The following KANK1 variants were observed in gnomAD, a reference collection of about 807,000 sequenced individuals.
KANK1 encodes the protein KN motif and ankyrin repeat domain-containing protein 1.
A neutral mutation model predicts 106.2 loss-of-function variants in KANK1; 109 were observed. That is an observed-to-expected ratio of 1.03 (90% CI 0.88 to 1.20). KANK1 has a LOEUF of 1.20. KANK1 is among the 50% of genes most tolerant of loss of function. The pLI, the probability that KANK1 is intolerant of heterozygous loss-of-function variation, is 0.00. For synonymous variants in KANK1, 873 were observed against 652.2 expected, an observed-to-expected ratio of 1.34 and a Z score of -5.16; for missense variants, 2,399 against 1,710.7, an observed-to-expected ratio of 1.40 and a Z score of -7.10.
At chr9:698,734 A>T (rs1821920413) in intron 2 of KANK1, among the ~76,000 whole-genome samples, 1 of 152,220 alleles carries the variant, frequency 6.6e-6, no homozygotes, top group Non-Finnish European at 1.5e-5. Context: ...TTGGGTAGGT[A>T]AAATTCATAT....
chr9:684,785 G>T (rs1255235942), intron 2 of KANK1, among the ~76,000 whole-genome samples: 1 of 152,100 alleles, frequency 6.6e-6, no homozygotes, highest in Non-Finnish European at 1.5e-5. Flanking sequence ...CGTGACTAAA[G>T]CTCACAGTCA....
chr9:504,967 G>T (rs181321384), intron 1 of KANK1, among the ~76,000 whole-genome samples: 2 of 151,042 alleles, frequency 1.3e-5, no homozygotes, highest in Non-Finnish European at 3.0e-5. Flanking sequence ...TCCTGGGGGG[G>T]GGTCCGAGAG....
intron 3 of KANK1, among the ~76,000 whole-genome samples, chr9:488,776 T>G (rs941909234): frequency 6.6e-6 from 1 of 152,200 alleles, no homozygotes; most frequent in African/African-American, 2.4e-5. Context: ...CAAGCAGTGT[T>G]GTTTATTATT....
intron 1 of KANK1, among the ~76,000 whole-genome samples, chr9:579,947 C>T (rs1181713918): frequency 1.3e-5 from 2 of 152,182 alleles, no homozygotes; most frequent in South Asian, 2.1e-4. Context: ...CTGTCAGCAT[C>T]TGCTGTCTCC....
chr9:717,023 C>A (rs1827899296), intron 3 of KANK1, among the ~76,000 whole-genome samples: 1 of 151,548 alleles, frequency 6.6e-6, no homozygotes, highest in African/African-American at 2.4e-5. Context: ...CGGTGGCTCA[C>A]ACCTGTAATT....
chr9:682,112 TCTA>T (rs1817671559), intron 2 of KANK1, among the ~76,000 whole-genome samples: 1 of 151,986 alleles, frequency 6.6e-6, no homozygotes, highest in Non-Finnish European at 1.5e-5. Context: ...AAAACCCGTC[TCTA>T]CTAAAAATAT....
intron 1 of KANK1, among the ~76,000 whole-genome samples, chr9:505,372 T>C (rs2058704485): frequency 6.6e-6 from 1 of 151,958 alleles, no homozygotes; most frequent in Non-Finnish European, 1.5e-5. Flanking sequence ...GCGTGGGCGC[T>C]GCGGCCTCTG....
At chr9:659,590 C>T (rs910403223) in intron 1 of KANK1, among the ~76,000 whole-genome samples, 6 of 152,158 alleles carry the variant, frequency 3.9e-5, no homozygotes, top group African/African-American at 1.4e-4. Context: ...AATCGACTCA[C>T]AGTTCCACAG....
chr9:592,062 T>C (rs982560884), intron 1 of KANK1, among the ~76,000 whole-genome samples: 1 of 151,822 alleles, frequency 6.6e-6, no homozygotes, highest in African/African-American at 2.4e-5. Flanking sequence ...GCGAGGTCTC[T>C]AGTGCTTAAC....
chr9:480,077 C>T (rs551847917), intron 3 of KANK1, among the ~76,000 whole-genome samples: 7 of 152,248 alleles, frequency 4.6e-5, no homozygotes, highest in African/African-American at 1.7e-4. Context: ...AACAGAAACA[C>T]AAAAAACACG....
At chr9:474,119 C>T (rs527506939) in intron 3 of KANK1, among the ~76,000 whole-genome samples, 8 of 152,336 alleles carry the variant, frequency 5.3e-5, no homozygotes, top group Non-Finnish European at 1.2e-4. Flanking sequence ...CTTTACCAAG[C>T]CTTCCTGAGT....
upstream of KANK1, among the ~76,000 whole-genome samples, chr9:500,278 TAAAC>T (rs1332232295): frequency 8.5e-5 from 13 of 152,106 alleles, no homozygotes; most frequent in South Asian, 2.1e-4. Context: ...ACAAGAATAA[TAAAC>T]AAGTGACATG....
At chr9:609,760 T>G (rs999630244) in intron 1 of KANK1, among the ~76,000 whole-genome samples, 6 of 152,224 alleles carry the variant, frequency 3.9e-5, no homozygotes, top group African/African-American at 1.2e-4. Flanking sequence ...AAAGGAGAAG[T>G]ATCTTAATTT....
Position 712,013 on chromosome 9 carries a change from A to C in KANK1, c.1247A>C (p.His416Pro). Residue 416 changes from histidine (H) to proline (P), a missense_variant, in exon 3 of 12, where the codon CAC becomes CCC. His to Pro is a moderately conservative substitution (Grantham distance 77). Coordinates refer to ENST00000382297, the MANE Select transcript of KANK1 (RefSeq NM_015158.5). ...EENMNDIVVYHRGSRSCKDAA... is the reference protein window; with the variant it reads ...EENMNDIVVYPRGSRSCKDAA... ...AACATGAACGACATCGTCGTGTACCACAGAGGCTCCAGGTCCTGTAAGGAT... is the reference window on the plus strand; with the variant it reads ...AACATGAACGACATCGTCGTGTACCCCAGAGGCTCCAGGTCCTGTAAGGAT... 1 of 1,614,114 alleles carries C rather than the reference A, an allele frequency of 6.2e-7. No homozygotes were observed. Among genetic ancestry groups the C allele is most frequent in the Non-Finnish European group, 8.5e-7 (1 of 1,180,028 alleles).
chr9:633,275 T>G (rs1411551383), intron 1 of KANK1, among the ~76,000 whole-genome samples: 1 of 151,676 alleles, frequency 6.6e-6, no homozygotes, highest in Non-Finnish European at 1.5e-5. Flanking sequence ...GCTAACACGG[T>G]GAAATCGCAT....
intron 1 of KANK1, among the ~76,000 whole-genome samples, chr9:524,325 ACT>A (rs1311815514): frequency 6.7e-6 from 1 of 149,368 alleles, no homozygotes; most frequent in African/African-American, 2.5e-5. Flanking sequence ...CTTGACAATA[ACT>A]CTGCCTTTTA....
rs376130486 is a variant in KANK1, at chr9:712,274, A to T, written c.1508A>T (p.Lys503Ile). 4 of 1,614,226 alleles carry T rather than the reference A, an allele frequency of 2.5e-6. No individual in the cohort carries two copies. Among genetic ancestry groups the T allele is most frequent in the Middle Eastern group, 1.6e-4 (1 of 6,062 alleles). Residue 503 changes from lysine (K) to isoleucine (I), a missense_variant, in exon 3 of 12, where the codon AAA becomes ATA. Physicochemically the swap from Lys to Ile is moderately radical, Grantham distance 102. Transcript: ENST00000382297. Reference sequence around the variant, plus strand: ...GCTGGATCGAGGAAAAAGGTTGACAAAGCCACGATGGCCCAGCCGCTTGTT... The same window carrying T: ...GCTGGATCGAGGAAAAAGGTTGACATAGCCACGATGGCCCAGCCGCTTGTT... ...QAAGSRKKVD[K>I]ATMAQPLVFS...
At chr9:675,927 C>G (rs1002000821) in intron 1 of KANK1, among the ~76,000 whole-genome samples, 2 of 152,274 alleles carry the variant, frequency 1.3e-5, no homozygotes, top group Non-Finnish European at 2.9e-5. Context: ...GTGAGGGGTC[C>G]TCCCCTTTTT....
intron 1 of KANK1, among the ~76,000 whole-genome samples, chr9:521,910 C>T (rs1031294873): frequency 1.3e-5 from 2 of 151,578 alleles, no homozygotes; most frequent in Non-Finnish European, 2.9e-5. Context: ...TCTTCAGCTT[C>T]CATTATTTAG....
Sources: allele counts gnomAD v4.1 joint callset (sites outside exome capture counted in the v4.1 genomes callset), GRCh38; gene constraint gnomAD v4.1.1; transcripts MANE v1.5; gene names NCBI Gene and HGNC (gene_info 2026-07-23, HGNC 2026-07-21).